The following SMG6 variants were observed in gnomAD, a reference collection of about 807,000 sequenced individuals.
SMG6 encodes telomerase-binding protein EST1A.
SMG6 carries 66 observed loss-of-function variants against 142.2 expected under a neutral mutation model. That is an observed-to-expected ratio of 0.46 (90% CI 0.38 to 0.57). The LOEUF is 0.57. SMG6 is among the 20% of genes least tolerant of loss of function. The pLI, the probability that SMG6 is intolerant of heterozygous loss-of-function variation, is 0.00. For synonymous variants in SMG6, 779 were observed against 702.4 expected (o/e 1.11, Z -1.72); for missense variants, 1,793 against 1,832.0 (o/e 0.98, Z 0.39).
At chr17:2,243,717 G>A (rs764480206) in intron 9 of SMG6, among the ~76,000 whole-genome samples, 25 of 152,172 alleles carry the variant, frequency 1.6e-4, no homozygotes, top group Admixed American at 8.5e-4. Context: ...ATAAACTTAC[G>A]AAGTTATGAC....
intron 13 of SMG6, among the ~76,000 whole-genome samples, chr17:2,114,903 G>A (rs533176787): frequency 2.8e-4 from 5 of 17,576 alleles, no homozygotes; most frequent in African/African-American, 2.2e-3. Flanking sequence ...CTCCAGCCTG[G>A]GCAAAAATAA....
rs989671505 is a variant in SMG6, at chr17:2,188,441, G to A, written c.2944C>T (p.Leu982=). 2 of 1,614,076 alleles carry A rather than the reference G, an allele frequency of 1.2e-6. No homozygotes were observed. Among genetic ancestry groups the A allele is most frequent in the Non-Finnish European group, 1.7e-6 (2 of 1,180,038 alleles). The change falls in exon 11 of 19, where the codon CTG becomes TTG. Residue 982 remains leucine, a synonymous_variant. Transcript: ENST00000263073. ...AGTAAGCAGGTGCAGCGGCGGACCA[G>A]TAGAGAAAACATGGCCAAGCCCAGA... is the stretch of plus-strand genomic sequence containing the variant. ...AALGLAMFSL[L]VRRCTCLLKE...
rs571716250 is a variant in SMG6 at position 2,249,122 on chromosome 17, T to C, written c.2662-4403A>G. On this transcript the variant is annotated intron_variant, in intron 8 of 18. Coordinates refer to ENST00000263073, the MANE Select transcript of SMG6 (RefSeq NM_017575.5). ...GTTAGCCAGGATGGTCTCAATCTCC[T>C]GACCTTGTGATCCGCCCGCCTTGGC... Among the ~76,000 whole-genome samples the C allele has an allele frequency of 1.5e-3, 228 of 152,042 alleles. 1 individual carries two copies. The highest frequency in any genetic ancestry group is 2.5e-3 in the Non-Finnish European group (168 of 67,964).
chr17:2,129,089 TGTAATCCCAGCATTTTGGGAA>T (rs1597437003), intron 13 of SMG6, among the ~76,000 whole-genome samples: 1 of 152,184 alleles, frequency 6.6e-6, no homozygotes, highest in East Asian at 1.9e-4. Context: ...GGCTCACACC[TGTAATCCCAGCATTTTGGGAA>T]GCCAAGGCAG....
chr17:2,128,565 C>T (rs2069982255), intron 13 of SMG6, among the ~76,000 whole-genome samples: 1 of 152,116 alleles, frequency 6.6e-6, no homozygotes, highest in Non-Finnish European at 1.5e-5. Flanking sequence ...ATTTGTTATT[C>T]TAACAGCCTC....
chr17:2,081,030 C>T (rs1434258087), intron 15 of SMG6, among the ~76,000 whole-genome samples: 2 of 152,214 alleles, frequency 1.3e-5, no homozygotes, highest in African/African-American at 2.4e-5. Context: ...CCTAGACTGT[C>T]ACTGGGTCTG....
At chr17:2,300,838 C>T (rs183266927) in intron 1 of SMG6, among the ~76,000 whole-genome samples, 174 bp from the exon 2 acceptor site, 1 of 152,202 alleles carries the variant, frequency 6.6e-6, no homozygotes, top group East Asian at 1.9e-4. Flanking sequence ...AGCAGAAATT[C>T]TGGGTTTACA....
intron 12 of SMG6, among the ~76,000 whole-genome samples, chr17:2,177,348 G>A (rs2071680725): frequency 6.6e-6 from 1 of 152,168 alleles, no homozygotes; most frequent in South Asian, 2.1e-4. Context: ...GAAGGAGTCA[G>A]GCAGGACTTT....
intron 13 of SMG6, among the ~76,000 whole-genome samples, chr17:2,148,781 C>T (rs1229724694): frequency 6.6e-6 from 1 of 151,836 alleles, no homozygotes; most frequent in African/African-American, 2.4e-5. Flanking sequence ...ATTGCCTGAA[C>T]CCAGAAAACT....
At chr17:2,300,785 C>A in intron 1 of SMG6, 121 bp from the exon 2 acceptor site, 1 of 867,424 alleles carries the variant, frequency 1.2e-6, no homozygotes, top group Non-Finnish European at 1.7e-6. Flanking sequence ...AATTACATAT[C>A]CAAATGCTAA....
chr17:2,288,342 G>T (rs1005337535), intron 6 of SMG6, among the ~76,000 whole-genome samples: 22 of 151,764 alleles, frequency 1.4e-4, no homozygotes, highest in Non-Finnish European at 1.8e-4. Context: ...AAGACAGCCC[G>T]GGAGTGGTGG....
chr17:2,192,243 A>T (rs2072186717), intron 10 of SMG6, among the ~76,000 whole-genome samples: 1 of 152,254 alleles, frequency 6.6e-6, no homozygotes, highest in African/African-American at 2.4e-5. Context: ...GATCAATTCC[A>T]GTGTTGCCAT....
At chr17:2,126,777 G>A (rs1388137861) in intron 13 of SMG6, among the ~76,000 whole-genome samples, 1 of 149,460 alleles carries the variant, frequency 6.7e-6, no homozygotes, top group Non-Finnish European at 1.5e-5. Context: ...GTGCATCAAA[G>A]GTGGAAACTC....
At position 2,261,382 on chromosome 17, in the gene SMG6, G is replaced by A. The variant is rs1246503585; in HGVS notation, c.2662-16663C>T. On this transcript the variant is annotated intron_variant, in intron 8 of 18. Coordinates refer to ENST00000263073, the MANE Select transcript of SMG6 (RefSeq NM_017575.5). ...AATAAACTGCTGGTTATACAAGTAT[G>A]CTTACATTGTCACAATTTATCACCT... Among the ~76,000 whole-genome samples the A allele has an allele frequency of 2.6e-5, 4 of 152,056 alleles. No individual in the cohort carries two copies. The East Asian group carries it at 5.8e-4, about 22-fold the overall frequency.
intron 8 of SMG6, chr17:2,265,913 T>A (rs2074414113): frequency 3.5e-6 from 3 of 856,518 alleles, no homozygotes; most frequent in African/African-American, 1.8e-5. Context: ...AATATGAACT[T>A]CAGAACTTAG....
chr17:2,104,928 T>C (rs1261156731), intron 13 of SMG6, among the ~76,000 whole-genome samples: 1 of 152,006 alleles, frequency 6.6e-6, no homozygotes, highest in African/African-American at 2.4e-5. Context: ...AGTCATCTTT[T>C]TTTTTGGGAG....
chr17:2,244,414 T>C lies in SMG6; in HGVS notation c.2723+244A>G, dbSNP rs191624252. Among the ~76,000 whole-genome samples, 148 of 152,010 alleles carry C rather than the reference T, an allele frequency of 9.7e-4. 1 individual carries two copies. The highest frequency in any genetic ancestry group is 3.2e-3 in the African/African-American group (133 of 41,452). On this transcript the variant is annotated intron_variant, in intron 9 of 18. Coordinates refer to ENST00000263073, the MANE Select transcript of SMG6 (RefSeq NM_017575.5). ...GACTGGGGTGGGGGCTGGGACAAGA[T>C]TGTATTTAAAGGAGTGTTTTAGTAA...
At chr17:2,117,708 T>G (rs978529408) in intron 13 of SMG6, 1 of 152,200 alleles carries the variant, frequency 6.6e-6, no homozygotes, top group Non-Finnish European at 1.5e-5. Flanking sequence ...TCAAAACTGA[T>G]ACGTAAATTA....
At position 2,234,297 on chromosome 17, in the gene SMG6, C is replaced by G. The variant is rs138709053; in HGVS notation, c.2869+2195G>C. The stretch of plus-strand genomic sequence containing the variant: ...TTATTTTTTGAGATGGAGTCTCACT[C>G]TGCTGCCCAGGCTGCAGTATAGTTT... On this transcript the variant is annotated intron_variant, in intron 10 of 18. Transcript: ENST00000263073. 9.8e-3 allele frequency among the ~76,000 whole-genome samples: 1,494 copies of G among 152,038 alleles called. 28 individuals carry two copies. Among genetic ancestry groups the G allele is most frequent in the African/African-American group, 0.034 (1,403 of 41,450 alleles).
Sources: allele counts gnomAD v4.1 joint callset (sites outside exome capture counted in the v4.1 genomes callset), GRCh38; gene constraint gnomAD v4.1.1; transcripts MANE v1.5; gene names NCBI Gene and HGNC (gene_info 2026-07-23, HGNC 2026-07-21).